Variants in GPR158 observed in about 807,000 individuals in gnomAD.
The protein encoded by GPR158 is G protein-coupled receptor 158.
A neutral mutation model predicts 78.2 loss-of-function variants in GPR158; 30 were observed. The ratio of observed to expected loss-of-function variants is 0.38; its 90% confidence interval spans 0.29 to 0.52. The LOEUF (loss-of-function observed/expected upper bound fraction) is 0.52, where lower values mean the gene tolerates loss of function less well. GPR158 is among the 20% of genes least tolerant of loss of function. The pLI, the probability that GPR158 is intolerant of heterozygous loss-of-function variation, is 0.83. For synonymous variants in GPR158, 581 were observed against 591.1 expected (o/e 0.98, Z 0.25); for missense variants, 1,463 against 1,523.5 (o/e 0.96, Z 0.66).
intron 2 of GPR158, among the ~76,000 whole-genome samples, chr10:25,222,480 G>A (rs1013387586): frequency 1.3e-5 from 2 of 151,486 alleles, no homozygotes; most frequent in African/African-American, 4.9e-5. Context: ...CACCTCCACA[G>A]AGACTGCCAT....
At position 25,598,990 on chromosome 10, in the gene GPR158, C is replaced by G. The variant is rs1837454686; in HGVS notation, c.3364C>G (p.Pro1122Ala). Residue 1122 changes from proline (P) to alanine (A), a missense_variant, in exon 11 of 11, where the codon CCC becomes GCC. Physicochemically the swap from Pro to Ala is conservative, Grantham distance 27. Coordinates refer to ENST00000376351, the MANE Select transcript of GPR158 (RefSeq NM_020752.3). ...VCAGQSEELP[P>A]KAVASKTENE... ...TGCTGGGCAGAGCGAAGAACTGCCC[C>G]CCAAAGCTGTAGCATCAAAAACAGA... 6.2e-7 allele frequency: 1 copy of G among 1,613,952 alleles called. No individual in the cohort carries two copies. Among genetic ancestry groups the G allele is most frequent in the African/African-American group, 1.3e-5 (1 of 74,880 alleles).
intron 2 of GPR158, among the ~76,000 whole-genome samples, chr10:25,241,155 TTCTTTC>T (rs1452686495): frequency 2.0e-4 from 24 of 121,170 alleles, no homozygotes; most frequent in Admixed American, 1.4e-3. Context: ...CTTTCTTTCT[TTCTTTC>T]TTTCTTTCTT....
In GPR158 at chr10:25,598,615, A is replaced by G; in HGVS notation, c.2989A>G (p.Met997Val). The G allele has an allele frequency of 1.9e-6, 3 of 1,614,116 alleles. No homozygotes were observed. The highest frequency in any genetic ancestry group is 3.3e-4 in the Middle Eastern group (2 of 6,062). Residue 997 changes from methionine (M) to valine (V), a missense_variant, in exon 11 of 11, where the codon ATG (methionine) becomes GTG (valine). Transcript: ENST00000376351. Reference protein sequence around the residue: ...NSDLNPGTTQMKDNFDIGEVC... With the variant: ...NSDLNPGTTQVKDNFDIGEVC... ...TGACCTGAACCCAGGCACCACCCAG[A>G]TGAAGGACAACTTTGACATTGGGGA...
At chr10:25,503,339 T>C (rs564250414) in intron 5 of GPR158, among the ~76,000 whole-genome samples, 1 of 150,950 alleles carries the variant, frequency 6.6e-6, no homozygotes, top group South Asian at 2.1e-4. Context: ...ATCATGCCAC[T>C]GCACTCCTAT....
intron 2 of GPR158, among the ~76,000 whole-genome samples, chr10:25,296,496 A>G (rs1854516738): frequency 6.6e-6 from 1 of 150,934 alleles, no homozygotes; most frequent in Non-Finnish European, 1.5e-5. Context: ...TATCTAATCT[A>G]TCTATTGATT....
intron 5 of GPR158, among the ~76,000 whole-genome samples, chr10:25,530,516 C>T (rs1836409468): frequency 6.6e-6 from 1 of 152,214 alleles, no homozygotes; most frequent in Non-Finnish European, 1.5e-5. Context: ...GTCCTTGCCC[C>T]ACCTCCCCGC....
chr10:25,410,066 G>C (rs1834564131), intron 3 of GPR158, among the ~76,000 whole-genome samples: 1 of 151,976 alleles, frequency 6.6e-6, no homozygotes, highest in Admixed American at 6.6e-5. Flanking sequence ...GCATTTTTTA[G>C]TAAATTGCAT....
chr10:25,237,952 C>T (rs908219393), intron 2 of GPR158, among the ~76,000 whole-genome samples: 3 of 149,018 alleles, frequency 2.0e-5, no homozygotes, highest in South Asian at 2.2e-4. Context: ...CACTCCCTCC[C>T]CTTTCTTTGC....
intron 2 of GPR158, among the ~76,000 whole-genome samples, chr10:25,355,007 G>A (rs2130524787): frequency 6.6e-6 from 1 of 152,102 alleles, no homozygotes; most frequent in Non-Finnish European, 1.5e-5. Context: ...TGACCTATGA[G>A]CTTGATTATT....
intron 2 of GPR158, among the ~76,000 whole-genome samples, chr10:25,305,588 T>G (rs1854662162): frequency 6.6e-6 from 1 of 152,102 alleles, no homozygotes; most frequent in African/African-American, 2.4e-5. Context: ...TGTGTTGTGC[T>G]AAGGATGATT....
At chr10:25,448,819 C>A (rs1478227701) in intron 4 of GPR158, among the ~76,000 whole-genome samples, 7 of 151,956 alleles carry the variant, frequency 4.6e-5, no homozygotes, top group African/African-American at 1.7e-4. Flanking sequence ...GAAGATTTTT[C>A]TTTGTGGCTT....
chr10:25,469,894 G>T (rs1835474599), intron 5 of GPR158, among the ~76,000 whole-genome samples: 2 of 149,084 alleles, frequency 1.3e-5, no homozygotes, highest in East Asian at 4.0e-4. Context: ...CTGGATTGTT[G>T]CCATGTTCTC....
chr10:25,403,190 C>T (rs1564445731), intron 3 of GPR158, among the ~76,000 whole-genome samples: 4 of 151,776 alleles, frequency 2.6e-5, no homozygotes. Context: ...TATACTTTTA[C>T]TAGTTTCTAT....
chr10:25,519,704 C>A lies in GPR158; in HGVS notation c.1405-31272C>A, dbSNP rs1468429040. Among the ~76,000 whole-genome samples the A allele has an allele frequency of 1.8e-3, 231 of 130,382 alleles. 19 individuals carry two copies. The highest frequency in any genetic ancestry group is 7.8e-3 in the African/African-American group (220 of 28,234). The allele number at this position is 130,382 out of a possible 152,430, so 85.5% of individuals were successfully genotyped here. A position where few individuals can be genotyped will look rare whatever the true frequency, so the allele number is the denominator to read the frequency against. On this transcript the variant is annotated intron_variant, in intron 5 of 10. Transcript: ENST00000376351. Reference sequence around the variant, plus strand: ...TTTAAGAATGTTGAATATTGGCCCCCACTCTCTTCTGGCTTGTAGGGTTTC... The same window carrying A: ...TTTAAGAATGTTGAATATTGGCCCCAACTCTCTTCTGGCTTGTAGGGTTTC...
intron 4 of GPR158, among the ~76,000 whole-genome samples, chr10:25,450,977 GTT>G (rs34735232): frequency 6.6e-6 from 1 of 151,106 alleles, no homozygotes; most frequent in Non-Finnish European, 1.5e-5. Context: ...CTATATATGT[GTT>G]TTTTTTTTAA....
intron 2 of GPR158, among the ~76,000 whole-genome samples, chr10:25,266,995 A>G (rs796131344): frequency 7.2e-5 from 11 of 152,282 alleles, no homozygotes; most frequent in African/African-American, 2.4e-4. Context: ...TGATTATTTA[A>G]GTAAATATTC....
At chr10:25,428,488 T>C (rs1309030759) in intron 4 of GPR158, among the ~76,000 whole-genome samples, 1 of 152,056 alleles carries the variant, frequency 6.6e-6, no homozygotes, top group Non-Finnish European at 1.5e-5. Flanking sequence ...AGAACTCTTC[T>C]AAGGGGTCCA....
At chr10:25,429,263 C>G (rs1033808820) in intron 4 of GPR158, among the ~76,000 whole-genome samples, 2 of 152,042 alleles carry the variant, frequency 1.3e-5, no homozygotes, top group African/African-American at 4.8e-5. Flanking sequence ...GTAGCACTTT[C>G]AATTCTTACC....
chr10:25,251,719 C>T (rs1478135394), intron 2 of GPR158, among the ~76,000 whole-genome samples: 2 of 151,442 alleles, frequency 1.3e-5, no homozygotes, highest in South Asian at 2.1e-4. Flanking sequence ...GAGGGTAACC[C>T]GACCTTTCTC....
Sources: allele counts gnomAD v4.1 joint callset (sites outside exome capture counted in the v4.1 genomes callset), GRCh38; gene constraint gnomAD v4.1.1; transcripts MANE v1.5; gene names NCBI Gene and HGNC (gene_info 2026-07-23, HGNC 2026-07-21).